Variants in SEM1 observed in about 807,000 individuals in gnomAD.
SEM1 encodes SEM1 26S proteasome subunit.
Under a neutral mutation model 12.7 loss-of-function variants are expected in SEM1, and 3 were observed. That is an observed-to-expected ratio of 0.24 (90% CI 0.11 to 0.61). The LOEUF (loss-of-function observed/expected upper bound fraction) is 0.61, where lower values mean the gene tolerates loss of function less well. SEM1 is among the 20% of genes least tolerant of loss of function. SEM1 has a pLI of 0.88. For missense variants in SEM1, 59 were observed against 81.3 expected (o/e 0.73, Z 1.06); for synonymous variants, 30 against 27.8 (o/e 1.08, Z -0.25).
chr7:96,612,096 CA>C (rs1285830163), intron 2 of SEM1, among the ~76,000 whole-genome samples: 2 of 152,078 alleles, frequency 1.3e-5, no homozygotes, highest in Non-Finnish European at 2.9e-5. Flanking sequence ...AGCATTATTG[CA>C]ACATTTTATC....
intron 2 of SEM1, among the ~76,000 whole-genome samples, chr7:96,560,516 G>A (rs573103583): frequency 1.6e-4 from 25 of 152,112 alleles, no homozygotes; most frequent in African/African-American, 5.8e-4. Flanking sequence ...TACTTGATAG[G>A]ATAAGAATAT....
At chr7:96,648,640 A>G (rs974739821) in intron 2 of SEM1, among the ~76,000 whole-genome samples, 21 of 152,206 alleles carry the variant, frequency 1.4e-4, no homozygotes, top group African/African-American at 4.8e-4. Flanking sequence ...GAGACACCGA[A>G]TAGGTATTTA....
At chr7:96,700,768 T>A (rs1188372627) in intron 1 of SEM1, among the ~76,000 whole-genome samples, 1 of 152,174 alleles carries the variant, frequency 6.6e-6, no homozygotes, top group Non-Finnish European at 1.5e-5. Flanking sequence ...CCAAATAGTT[T>A]TTCAAAGAGT....
intron 2 of SEM1, chr7:96,647,447 A>G (rs955097028): frequency 6.6e-6 from 1 of 152,212 alleles, no homozygotes; most frequent in Admixed American, 6.5e-5. Flanking sequence ...TCTTTGAGAC[A>G]TGGATATAAT....
chr7:96,514,119 G>T (rs1804016750), intron 2 of SEM1, among the ~76,000 whole-genome samples: 1 of 152,036 alleles, frequency 6.6e-6, no homozygotes, highest in Non-Finnish European at 1.5e-5. Flanking sequence ...ATATCCTTAT[G>T]CTCTTCTGAG....
chr7:96,584,587 C>T (rs1339065015), intron 2 of SEM1, among the ~76,000 whole-genome samples: 4 of 151,692 alleles, frequency 2.6e-5, no homozygotes, highest in African/African-American at 4.8e-5. Context: ...CCATTCTCCC[C>T]GTCACTTTCA....
intron 2 of SEM1, among the ~76,000 whole-genome samples, chr7:96,543,124 T>G (rs1477138624): frequency 6.6e-6 from 1 of 151,854 alleles, no homozygotes; most frequent in Non-Finnish European, 1.5e-5. Context: ...TCCACATTTG[T>G]GGGTTCCACA....
At chr7:96,671,852 A>G (rs1201338295), downstream of SEM1, among the ~76,000 whole-genome samples, 1 of 152,242 alleles carries the variant, frequency 6.6e-6, no homozygotes, top group Non-Finnish European at 1.5e-5. Flanking sequence ...TATCTGGACA[A>G]TATTATTAAG....
intron 2 of SEM1, among the ~76,000 whole-genome samples, chr7:96,539,318 A>T (rs1184286642): frequency 1.3e-5 from 2 of 151,854 alleles, no homozygotes; most frequent in Admixed American, 6.6e-5. Flanking sequence ...TAATACTTAC[A>T]TGTTGTTTTG....
At chr7:96,573,759 T>C (rs1806114528) in intron 2 of SEM1, among the ~76,000 whole-genome samples, 1 of 152,130 alleles carries the variant, frequency 6.6e-6, no homozygotes, top group Non-Finnish European at 1.5e-5. Context: ...GTTGCTCTTC[T>C]TGAGTATCTT....
chr7:96,705,456 A>C (rs1790423285), intron 1 of SEM1, among the ~76,000 whole-genome samples: 1 of 152,146 alleles, frequency 6.6e-6, no homozygotes. Context: ...TCGAATCCAC[A>C]TCTAATTGTC....
chr7:96,655,962 C>T (rs1480003416), intron 2 of SEM1, among the ~76,000 whole-genome samples: 1 of 152,160 alleles, frequency 6.6e-6, no homozygotes, highest in African/African-American at 2.4e-5. Context: ...ATCTTGATGA[C>T]AGAAACTTTG....
chr7:96,496,612 T>C (rs186104323), upstream of SEM1, among the ~76,000 whole-genome samples: 5 of 152,276 alleles, frequency 3.3e-5, no homozygotes, highest in Admixed American at 6.5e-5. Context: ...AAAAAAATAC[T>C]GCTTTCTCCA....
chr7:96,689,292 TAATA>T (rs1391853969), intron 2 of SEM1, among the ~76,000 whole-genome samples: 1 of 152,000 alleles, frequency 6.6e-6, no homozygotes, highest in Non-Finnish European at 1.5e-5. Context: ...GTTCTGTTCC[TAATA>T]AATATTTAAA....
chr7:96,490,433 C>G (rs965882636), intron 1 of SEM1, among the ~76,000 whole-genome samples: 8 of 152,096 alleles, frequency 5.3e-5, no homozygotes, highest in Non-Finnish European at 1.2e-4. Flanking sequence ...TGATAAGAAA[C>G]AATGTTTTTG....
intron 2 of SEM1, among the ~76,000 whole-genome samples, chr7:96,569,282 G>T (rs1436891591): frequency 6.6e-6 from 1 of 151,952 alleles, no homozygotes; most frequent in African/African-American, 2.4e-5. Flanking sequence ...TTGGTAAACA[G>T]ATCTTTTGAA....
intron 2 of SEM1, among the ~76,000 whole-genome samples, chr7:96,625,105 TC>T (rs1472000633): frequency 6.6e-6 from 1 of 152,142 alleles, no homozygotes; most frequent in African/African-American, 2.4e-5. Context: ...TAAAGGAGGC[TC>T]AGGTGTGATT....
intron 2 of SEM1, among the ~76,000 whole-genome samples, chr7:96,541,126 G>A (rs1454725139): frequency 2.0e-5 from 3 of 151,736 alleles, no homozygotes; most frequent in African/African-American, 4.8e-5. Context: ...TGGGTTGAAC[G>A]GTAGTTCTGC....
chr7:96,517,454 C>T (rs1271662217), intron 2 of SEM1, among the ~76,000 whole-genome samples: 1 of 152,144 alleles, frequency 6.6e-6, no homozygotes, highest in African/African-American at 2.4e-5. Flanking sequence ...CCTTTCTCTA[C>T]ATTCTTTTCA....
Sources: gnomAD v4.1 joint callset for allele counts (sites outside exome capture counted in the v4.1 genomes callset) on GRCh38, gnomAD v4.1.1 for gene constraint, MANE v1.5 for transcripts, NCBI Gene and HGNC (gene_info 2026-07-23, HGNC 2026-07-21) for gene names.